Variants in CWC27 observed in about 807,000 individuals in gnomAD.
CWC27 encodes the protein CWC27 spliceosome associated cyclophilin, also known as spliceosome-associated protein CWC27 homolog.
CWC27 carries 47 observed loss-of-function variants against 63.6 expected under a neutral mutation model. The ratio of observed to expected loss-of-function variants is 0.74; its 90% CI spans 0.58 to 0.94. CWC27 has a LOEUF of 0.94. CWC27 is among the 40% of genes least tolerant of loss of function. The probability of loss-of-function intolerance (pLI) is 0.00; values close to 1 mark genes in which losing one functional copy is unlikely to be tolerated. For missense variants in CWC27, 495 were observed against 554.3 expected, an observed-to-expected ratio of 0.89 and a Z score of 1.07; for synonymous variants, 175 against 179.8, an observed-to-expected ratio of 0.97 and a Z score of 0.22.
At position 64,783,913 on chromosome 5, in the gene CWC27, C is replaced by T. The variant is rs771085707; in HGVS notation, c.330C>T (p.Gly110=). 3.1e-6 allele frequency: 5 copies of T among 1,608,234 alleles called. No homozygotes were observed. The East Asian group carries it at 9.0e-5, about 29-fold the overall frequency. Residue 110 remains glycine, a synonymous_variant, in exon 4 of 14, where the codon GGC becomes GGT. Transcript: ENST00000381070. ...CAAATGCTGGTTCTCATGATAATGG[C>T]AGCCAGTTTTTCTTCACACTGGGTC... ...AMANAGSHDN[G]SQFFFTLGRA...
intron 10 of CWC27, among the ~76,000 whole-genome samples, chr5:64,809,574 A>C (rs1001375298): frequency 6.6e-6 from 1 of 152,060 alleles, no homozygotes; most frequent in African/African-American, 2.4e-5. Context: ...TCACTGTGTT[A>C]GCAAGAATGG....
chr5:64,973,690 A>G (rs1271955616), intron 12 of CWC27, among the ~76,000 whole-genome samples: 2 of 152,246 alleles, frequency 1.3e-5, no homozygotes, highest in Non-Finnish European at 2.9e-5. Flanking sequence ...TAAATATAGA[A>G]GAAGCTAAAA....
At chr5:64,851,185 G>A (rs1180260014) in intron 10 of CWC27, among the ~76,000 whole-genome samples, 1 of 152,192 alleles carries the variant, frequency 6.6e-6, no homozygotes, top group Non-Finnish European at 1.5e-5. Context: ...GGAAAATGTG[G>A]TGTATTGTGT....
chr5:64,980,798 G>T (rs1467459515), intron 13 of CWC27, among the ~76,000 whole-genome samples: 1 of 152,144 alleles, frequency 6.6e-6, no homozygotes, highest in Non-Finnish European at 1.5e-5. Flanking sequence ...ATAACTAAAA[G>T]ATGTTCATTG....
At chr5:65,018,117 T>A (rs768950439) in intron 13 of CWC27, 42 bp from the exon 14 acceptor site, 3 of 1,510,450 alleles carry the variant, frequency 2.0e-6, no homozygotes, top group Non-Finnish European at 2.7e-6. Flanking sequence ...TACTGTAAGT[T>A]CCCATGCAAG....
chr5:64,847,442 G>A (rs1746017279), intron 10 of CWC27, among the ~76,000 whole-genome samples: 1 of 151,982 alleles, frequency 6.6e-6, no homozygotes, highest in African/African-American at 2.4e-5. Flanking sequence ...TAACAACAGG[G>A]GACTTCTATA....
chr5:64,924,886 T>C (rs954504498), intron 11 of CWC27, among the ~76,000 whole-genome samples: 32 of 152,236 alleles, frequency 2.1e-4, no homozygotes, highest in African/African-American at 6.7e-4. Context: ...GTGGTAGTTA[T>C]TATTTTTATA....
At chr5:64,890,237 T>A (rs1747197556) in intron 11 of CWC27, among the ~76,000 whole-genome samples, 3 of 152,166 alleles carry the variant, frequency 2.0e-5, no homozygotes, top group Admixed American at 1.3e-4. Context: ...ATGAAACATA[T>A]CCCTGAGGTG....
chr5:64,976,516 TTTTTA>T (rs1176870727), intron 12 of CWC27, among the ~76,000 whole-genome samples: 4 of 152,016 alleles, frequency 2.6e-5, no homozygotes, highest in Non-Finnish European at 4.4e-5. Flanking sequence ...GAGCATACAT[TTTTTA>T]TTTTATTTTA....
At chr5:64,781,351 A>C (rs1034862228) in intron 2 of CWC27, among the ~76,000 whole-genome samples, 2 of 152,184 alleles carry the variant, frequency 1.3e-5, no homozygotes, top group African/African-American at 4.8e-5. Context: ...ATAACTAATA[A>C]GTAATTTTGA....
At chr5:64,824,979 G>C (rs1435955252) in intron 10 of CWC27, among the ~76,000 whole-genome samples, 1 of 151,812 alleles carries the variant, frequency 6.6e-6, no homozygotes, top group Admixed American at 6.6e-5. Context: ...TGATCCACCC[G>C]CCTCGGCCTC....
At chr5:64,782,315 GCACACGC>G (rs1743725773) in intron 3 of CWC27, among the ~76,000 whole-genome samples, 1 of 152,058 alleles carries the variant, frequency 6.6e-6, no homozygotes, top group Non-Finnish European at 1.5e-5. Context: ...AGGCATGGTG[GCACACGC>G]CTGTATTCCC....
At chr5:64,886,766 T>C (rs182562044) in intron 11 of CWC27, among the ~76,000 whole-genome samples, 300 of 152,248 alleles carry the variant, frequency 2.0e-3, no homozygotes, top group African/African-American at 6.8e-3. Flanking sequence ...TATATTTGAA[T>C]GAAACATTAT....
At chr5:64,858,286 CG>C (rs1396562157) in intron 10 of CWC27, among the ~76,000 whole-genome samples, 1 of 149,548 alleles carries the variant, frequency 6.7e-6, no homozygotes, top group African/African-American at 2.5e-5. Flanking sequence ...GGTGAAACCC[CG>C]TCTCTACTAA....
At chr5:64,900,778 T>A (rs954408715) in intron 11 of CWC27, among the ~76,000 whole-genome samples, 2 of 152,186 alleles carry the variant, frequency 1.3e-5, no homozygotes, top group African/African-American at 4.8e-5. Context: ...GCGAAATGTG[T>A]TGCTAGGTGA....
intron 11 of CWC27, among the ~76,000 whole-genome samples, chr5:64,947,324 A>C (rs979502758): frequency 6.6e-5 from 10 of 152,122 alleles, no homozygotes; most frequent in African/African-American, 2.4e-4. Context: ...GCAGGCTAAT[A>C]GCATTCTTAT....
chr5:64,801,832 T>G (rs1744500251), intron 9 of CWC27, among the ~76,000 whole-genome samples: 2 of 152,202 alleles, frequency 1.3e-5, no homozygotes, highest in South Asian at 4.1e-4. Context: ...AGATTTTCCT[T>G]TAATACATAA....
intron 10 of CWC27, among the ~76,000 whole-genome samples, chr5:64,836,743 T>C (rs1390756122): frequency 6.6e-6 from 1 of 152,036 alleles, no homozygotes; most frequent in African/African-American, 2.4e-5. Flanking sequence ...CAGTACTGTT[T>C]GTAACATTTC....
intron 11 of CWC27, among the ~76,000 whole-genome samples, chr5:64,970,211 A>ATTTTT: frequency 7.4e-6 from 1 of 135,350 alleles, no homozygotes; most frequent in African/African-American, 2.8e-5. Context: ...TATGAAAGTA[A>ATTTTT]TTTTTTTTTT....
Sources: allele counts gnomAD v4.1 joint callset (sites outside exome capture counted in the v4.1 genomes callset), GRCh38; gene constraint gnomAD v4.1.1; transcripts MANE v1.5; gene names NCBI Gene and HGNC (gene_info 2026-07-23, HGNC 2026-07-21).